PPARGC1A: variants seen among roughly 807,000 people sequenced by gnomAD.
The protein encoded by PPARGC1A is peroxisome proliferator-activated receptor gamma coactivator 1-alpha.
A neutral mutation model predicts 88.7 loss-of-function variants in PPARGC1A; 25 were observed. That is an observed-to-expected ratio of 0.28 (90% CI 0.21 to 0.39). The LOEUF is 0.39. Ranked by LOEUF, PPARGC1A falls within the 10% of genes least tolerant of loss-of-function variation. PPARGC1A has a pLI of 1.00. For missense variants in PPARGC1A, 880 were observed against 968.7 expected (o/e 0.91, Z 1.22); for synonymous variants, 363 against 355.6 (o/e 1.02, Z -0.24).
chr4:24,159,812 T>C, the PPARGC1A span, among the ~76,000 whole-genome samples: 14 of 152,182 alleles, frequency 9.2e-5, no homozygotes, highest in African/African-American at 3.4e-4. Context: ...GCTTTGGCAG[T>C]CAGAATTTGA....
chr4:24,026,569 C>CA, the PPARGC1A span, among the ~76,000 whole-genome samples: 1,046 of 147,438 alleles, frequency 7.1e-3, 10 homozygotes, highest in African/African-American at 0.022. Flanking sequence ...AGCTCAGTTT[C>CA]AAAAAAAAAA....
At chr4:24,251,259 C>T in the PPARGC1A span, among the ~76,000 whole-genome samples, 12 of 152,200 alleles carry the variant, frequency 7.9e-5, 1 homozygote, top group Admixed American at 7.9e-4. Flanking sequence ...GCGCAAGTTA[C>T]TTAACTTCTC....
chr4:23,854,448 A>G lies in PPARGC1A; in HGVS notation c.235-22697T>C, dbSNP rs138332083. ...TCATCAGCACATCCAGACTTCATAT[A>G]AAATTTGATTATGGTCCTATCCAAT... On this transcript the variant is annotated intron_variant, in intron 2 of 12. Transcript: ENST00000264867. Among the ~76,000 whole-genome samples the G allele has an allele frequency of 2.2e-4, 33 of 152,290 alleles. No individual in the cohort carries two copies. The East Asian group carries it at 6.2e-3, about 28-fold the overall frequency.
At chr4:23,919,560 A>G in the PPARGC1A span, among the ~76,000 whole-genome samples, 6 of 94,036 alleles carry the variant, frequency 6.4e-5, 1 homozygote, top group South Asian at 1.5e-3. Flanking sequence ...AAAAAAAAAA[A>G]AAGAAGTGAA....
At chr4:24,424,726 C>T in the PPARGC1A span, among the ~76,000 whole-genome samples, 1 of 152,162 alleles carries the variant, frequency 6.6e-6, no homozygotes, top group Admixed American at 6.5e-5. Context: ...ATAATTTGAG[C>T]ATCATCTCTC....
the PPARGC1A span, among the ~76,000 whole-genome samples, chr4:24,339,235 TATACACAC>T: frequency 9.1e-6 from 1 of 110,162 alleles, no homozygotes; most frequent in African/African-American, 3.7e-5. Context: ...TATATATATA[TATACACAC>T]ACACACACAC....
chr4:24,282,980 G>A, the PPARGC1A span, among the ~76,000 whole-genome samples: 1 of 152,174 alleles, frequency 6.6e-6, no homozygotes. Flanking sequence ...ATGGCTACAG[G>A]TTTAAGCAGA....
chr4:23,947,924 C>T, the PPARGC1A span, among the ~76,000 whole-genome samples: 19 of 152,220 alleles, frequency 1.2e-4, no homozygotes, highest in African/African-American at 4.1e-4. Flanking sequence ...CAGCAGGAAC[C>T]GTGGAACCAA....
the PPARGC1A span, among the ~76,000 whole-genome samples, chr4:24,070,447 GT>G: frequency 6.6e-6 from 1 of 152,140 alleles, no homozygotes; most frequent in Non-Finnish European, 1.5e-5. Context: ...AGAATGCTTG[GT>G]AGATCAGGAA....
At chr4:23,995,575 C>T in the PPARGC1A span, among the ~76,000 whole-genome samples, 4 of 152,166 alleles carry the variant, frequency 2.6e-5, no homozygotes, top group Non-Finnish European at 5.9e-5. Flanking sequence ...CATCCAACTG[C>T]GTGTACCTCC....
chr4:23,893,873 T>C (rs545828159), upstream of PPARGC1A, among the ~76,000 whole-genome samples: 1 of 152,154 alleles, frequency 6.6e-6, no homozygotes, highest in Non-Finnish European at 1.5e-5. Flanking sequence ...GCAAGACATA[T>C]ACAGCAGACC....
rs1717014401 is a variant in PPARGC1A at position 23,793,545 on chromosome 4, G to C, written c.*2277C>G. 1 of 152,322 alleles carries C rather than the reference G, an allele frequency of 6.6e-6. No homozygotes were observed. The highest frequency in any genetic ancestry group is 2.1e-4 in the South Asian group (1 of 4,820). The allele number at this position is 152,322 out of a possible 1,614,324, so 9.4% of individuals were successfully genotyped here. On this transcript the variant is annotated 3_prime_UTR_variant, in exon 13 of 13. Coordinates refer to ENST00000264867, the MANE Select transcript of PPARGC1A (RefSeq NM_013261.5). ...ACAAGATCGTGTTGGGCGAGAGAAA[G>C]GAAAAGAACAATTGAGTAGTAGGTG...
At chr4:23,822,318 A>ATT in intron 7 of PPARGC1A, among the ~76,000 whole-genome samples, 1 of 151,782 alleles carries the variant, frequency 6.6e-6, no homozygotes, top group Middle Eastern at 3.4e-3. Context: ...AAATCTGTGC[A>ATT]TTTTTTTTGT....
At chr4:24,406,977 C>T in the PPARGC1A span, among the ~76,000 whole-genome samples, 1 of 152,188 alleles carries the variant, frequency 6.6e-6, no homozygotes, top group African/African-American at 2.4e-5. Flanking sequence ...AGGCAGGAAC[C>T]TTTCTCTGTG....
chr4:24,336,014 CA>C, the PPARGC1A span, among the ~76,000 whole-genome samples: 3 of 151,984 alleles, frequency 2.0e-5, no homozygotes, highest in Non-Finnish European at 4.4e-5. Context: ...CCCTAAACAC[CA>C]GTTGTCTTTC....
the PPARGC1A span, among the ~76,000 whole-genome samples, chr4:23,974,637 T>C: frequency 2.0e-5 from 3 of 150,084 alleles, no homozygotes; most frequent in East Asian, 2.0e-4. Flanking sequence ...TTTGTTGTCG[T>C]TGGTTTTTTT....
the PPARGC1A span, among the ~76,000 whole-genome samples, chr4:23,914,756 A>G: frequency 6.6e-6 from 1 of 152,232 alleles, no homozygotes; most frequent in Non-Finnish European, 1.5e-5. Flanking sequence ...GCTACCTTAG[A>G]TGTCAGTCAA....
rs1721493605 is a variant in PPARGC1A, at chr4:23,814,196, T to C, written c.1287A>G (p.Ser429=). The part of the protein sequence containing the change: ...WQGQICSSTD[S]DQCYLRETLE... ...AAGTCTCTCTCAGGTAGCACTGGTC[T>C]GAATCTGTGGAAGAACAAATCTGCC... The change falls in exon 8 of 13, where the codon TCA becomes TCG. Residue 429 remains serine, a synonymous_variant. Coordinates refer to ENST00000264867, the MANE Select transcript of PPARGC1A (RefSeq NM_013261.5). 1.2e-6 allele frequency: 2 copies of C among 1,614,024 alleles called. No homozygotes were observed. The highest frequency in any genetic ancestry group is 1.7e-5 in the Admixed American group (1 of 60,000).
intron 2 of PPARGC1A, among the ~76,000 whole-genome samples, chr4:23,839,863 A>C (rs1726740045): frequency 6.6e-6 from 1 of 152,004 alleles, no homozygotes; most frequent in Non-Finnish European, 1.5e-5. Context: ...CGTGCGACCC[A>C]TTCACTATCA....
Sources: gnomAD v4.1 joint callset for allele counts (sites outside exome capture counted in the v4.1 genomes callset) on GRCh38, gnomAD v4.1.1 for gene constraint, MANE v1.5 for transcripts, NCBI Gene and HGNC (gene_info 2026-07-23, HGNC 2026-07-21) for gene names.